Variants in WDR24 observed in about 807,000 individuals in gnomAD.
WDR24 encodes WD repeat domain 24.
WDR24 carries 32 observed loss-of-function variants against 66.7 expected under a neutral mutation model. That is an observed-to-expected ratio of 0.48 (90% CI 0.36 to 0.64). The LOEUF is 0.64. WDR24 is among the 30% of genes least tolerant of loss of function. The pLI, the probability that WDR24 is intolerant of heterozygous loss-of-function variation, is 0.00. For missense variants in WDR24, 978 were observed against 1,144.1 expected (o/e 0.85, Z 2.09); for synonymous variants, 565 against 469.1 (o/e 1.20, Z -2.64).
Position 685,789 on chromosome 16 carries a change from C to T in WDR24, c.1574-6G>A, listed in dbSNP as rs201825840. On this transcript the variant is annotated splice_polypyrimidine_tract_variant and splice_region_variant and intron_variant, in intron 5 of 8. Coordinates refer to ENST00000293883, the MANE Select transcript of WDR24 (RefSeq NM_032259.4). The stretch of plus-strand genomic sequence containing the variant: ...GCCCTCGGTTTCCTCGTTATCTGCC[C>T]GACAATGGGGCGGGCATTCAGGGTC... 2.5e-6 allele frequency: 4 copies of T among 1,613,104 alleles called. No individual in the cohort carries two copies. The highest frequency in any genetic ancestry group is 2.2e-5 in the South Asian group (2 of 91,092).
chr16:689,218 C>T lies in WDR24; in HGVS notation c.423G>A (p.Gln141=). 6.2e-7 allele frequency: 1 copy of T among 1,613,926 alleles called. No homozygotes were observed. Among genetic ancestry groups the T allele is most frequent in the Non-Finnish European group, 8.5e-7 (1 of 1,180,020 alleles). ...TEAHVLLSGS[Q]DGFMKCFDLR... is the part of the protein sequence containing the mutation. ...GGTCAAAGCACTTCATGAAGCCATC[C>T]TGGGAGCCACTGAGCAGCACGTGGG... is the stretch of plus-strand genomic sequence containing the variant. Residue 141 remains glutamine (Q), a synonymous_variant, in exon 1 of 9, where the codon CAG becomes CAA. Coordinates refer to ENST00000293883, the MANE Select transcript of WDR24 (RefSeq NM_032259.4).
chr16:689,733 C>T lies in WDR24; in HGVS notation c.-93G>A. 2.0e-6 allele frequency: 3 copies of T among 1,518,940 alleles called. No individual in the cohort carries two copies. Among genetic ancestry groups the T allele is most frequent in the African/African-American group, 2.7e-5 (2 of 73,464 alleles). The allele number at this position is 1,518,940 out of a possible 1,614,324, so 94.1% of individuals were successfully genotyped here. A position where few individuals can be genotyped will look rare whatever the true frequency, so the allele number is the denominator to read the frequency against. ...GGGTCATCAGTTCAGACCTTCCACC[C>T]AGGTTGGGACCCCAGAACTGCTTGG... On this transcript the variant is annotated 5_prime_UTR_variant, in exon 1 of 9. Coordinates refer to ENST00000293883, the MANE Select transcript of WDR24 (RefSeq NM_032259.4).
intron 1 of WDR24, among the ~76,000 whole-genome samples, chr16:688,698 C>T (rs1293375295): frequency 6.6e-6 from 1 of 152,246 alleles, no homozygotes; most frequent in East Asian, 1.9e-4. Flanking sequence ...TGGCTCAGGG[C>T]AGCCATCGGG....
chr16:685,532 G>A lies in WDR24; in HGVS notation c.1744C>T (p.Pro582Ser), dbSNP rs761607525. Reference sequence around the variant, plus strand: ...TCCTGCAGGTGCTCGGGCCCGGGAGGCGTGTCCACGATCTCGTGGCGCAGC... The same window carrying A: ...TCCTGCAGGTGCTCGGGCCCGGGAGACGTGTCCACGATCTCGTGGCGCAGC... ...FPLRHEIVDTPPGPEHLQDKA... is the reference protein window; with the variant it reads ...FPLRHEIVDTSPGPEHLQDKA... The change falls in exon 7 of 9, where the codon CCT becomes TCT. Residue 582 changes from proline to serine, a missense_variant. By Grantham distance (74) the Pro-to-Ser change is moderately conservative. Coordinates refer to ENST00000293883, the MANE Select transcript of WDR24 (RefSeq NM_032259.4). 13 of 1,588,074 alleles carry A rather than the reference G, an allele frequency of 8.2e-6. No individual in the cohort carries two copies. The highest frequency in any genetic ancestry group is 1.7e-4 in the Middle Eastern group (1 of 6,006).
chr16:686,106 C>T lies in WDR24; in HGVS notation c.1413G>A (p.Val471=). ...GGAGGCCACAGGAGCCACCCTTGCC[C>T]ACACTGTGGTTGAGGTTTGCAGTGG... The part of the protein sequence containing the change: ...LVPTANLNHS[V]GKGGSCGLPL... Residue 471 remains valine (V), a synonymous_variant, in exon 4 of 9, where the codon GTG becomes GTA. Transcript: ENST00000293883. 6 of 1,613,136 alleles carry T rather than the reference C, an allele frequency of 3.7e-6. No homozygotes were observed. The highest frequency in any genetic ancestry group is 5.1e-6 in the Non-Finnish European group (6 of 1,179,988).
chr16:687,045 C>G lies in WDR24; in HGVS notation c.1031G>C (p.Cys344Ser). 1 of 1,604,014 alleles carries G rather than the reference C, an allele frequency of 6.2e-7. No individual in the cohort carries two copies. The highest frequency in any genetic ancestry group is 8.5e-7 in the Non-Finnish European group (1 of 1,178,974). The stretch of plus-strand genomic sequence containing the variant: ...GGCCAGGTCCCCGAAGAGGCCGTAG[C>G]AGAGGCCCTCAGGGTTGGCGCGCTC... ...PVERANPEGL[C>S]YGLFGDLAFA... Residue 344 changes from cysteine to serine, a missense_variant, in exon 3 of 9, where the codon TGC (cysteine) becomes TCC (serine). By Grantham distance (112) the Cys-to-Ser change is moderately radical. Coordinates refer to ENST00000293883, the MANE Select transcript of WDR24 (RefSeq NM_032259.4).
Position 685,781 on chromosome 16 carries a change from T to C in WDR24, c.1576A>G (p.Asn526Asp). Residue 526 changes from asparagine (N) to aspartate (D), a missense_variant and splice_region_variant, in exon 6 of 9, where the codon AAC becomes GAC. Physicochemically the swap from Asn to Asp is conservative, Grantham distance 23. Around this residue, in one of 2 missense-constraint regions of WDR24, gnomAD observed 676 missense variants for 617.5 expected, o/e 1.09. Coordinates refer to ENST00000293883, the MANE Select transcript of WDR24 (RefSeq NM_032259.4). ...SSATLITNED[N>D]EETEGSDVPA... ...ACGTCGCTGCCCTCGGTTTCCTCGT[T>C]ATCTGCCCGACAATGGGGCGGGCAT... The C allele has an allele frequency of 1.2e-6, 2 of 1,613,222 alleles. No homozygotes were observed. The highest frequency in any genetic ancestry group is 1.7e-6 in the Non-Finnish European group (2 of 1,180,000).
intron 1 of WDR24, 127 bp from the exon 2 acceptor site, chr16:687,866 G>T (rs754321773): frequency 4.4e-5 from 56 of 1,278,116 alleles, no homozygotes; most frequent in Middle Eastern, 3.6e-4. Context: ...GGGTAGAGTG[G>T]ACATCCCCAA....
rs773090745 is a variant in WDR24, at chr16:685,838, C to G, written c.1573+31G>C. ...TCGTCTGGGACACCCCCACCCCTCT[C>G]CCATCAGCACCCCTACCCACCCCAG... is the stretch of plus-strand genomic sequence containing the variant. On this transcript the variant is annotated intron_variant, in intron 5 of 8. Transcript: ENST00000293883. 1.9e-6 allele frequency: 3 copies of G among 1,613,052 alleles called. No homozygotes were observed. In the Admixed American group the frequency reaches 5.0e-5, roughly 27 times the overall value.
At position 685,513 on chromosome 16, in the gene WDR24, A is replaced by G. The variant is rs994550391; in HGVS notation, c.1763T>C (p.Leu588Pro). The change falls in exon 7 of 9, where the codon CTG becomes CCG. Residue 588 changes from leucine to proline, a missense_variant. Transcript: ENST00000293883. ...IVDTPPGPEH[L>P]QDKADSPHVS... ...GTGCGGGGAGTCGGCCTTGTCCTGC[A>G]GGTGCTCGGGCCCGGGAGGCGTGTC... is the stretch of plus-strand genomic sequence containing the variant. The G allele has an allele frequency of 3.8e-6, 6 of 1,592,546 alleles. No individual in the cohort carries two copies. In the African/African-American group the frequency reaches 8.0e-5, roughly 21 times the overall value.
chr16:687,520 A>T (rs766121733), intron 2 of WDR24, 42 bp downstream of exon 2: 1 of 1,602,240 alleles, frequency 6.2e-7, no homozygotes, highest in African/African-American at 1.3e-5. Context: ...AGGCAGTGAG[A>T]GCTTACTGTC....
chr16:690,262 G>C lies in WDR24; in HGVS notation c.-622C>G, dbSNP rs1327322815. 4.7e-6 allele frequency: 2 copies of C among 427,174 alleles called. No individual in the cohort carries two copies. The highest frequency in any genetic ancestry group is 4.7e-6 in the Non-Finnish European group (1 of 212,384). The allele number at this position is 427,174 out of a possible 1,614,324, so 26.5% of individuals were successfully genotyped here. A position where few individuals can be genotyped will look rare whatever the true frequency, so the allele number is the denominator to read the frequency against. On this transcript the variant is annotated 5_prime_UTR_variant, in exon 1 of 9. Transcript: ENST00000293883. ...GGCGACCCCGGAGTACAGGGTTCCTGGGAGCGGCGCAGTGGCGCGGGGGAG... is the reference window on the plus strand; with the variant it reads ...GGCGACCCCGGAGTACAGGGTTCCTCGGAGCGGCGCAGTGGCGCGGGGGAG...
Position 687,133 on chromosome 16 carries a change from G to T in WDR24, c.943C>A (p.Leu315Met), listed in dbSNP as rs1411465848. The T allele has an allele frequency of 6.2e-7, 1 of 1,612,020 alleles. No individual in the cohort carries two copies. The highest frequency in any genetic ancestry group is 8.5e-7 in the Non-Finnish European group (1 of 1,179,894). ...AGCGAGCTGTCCTTGGAGCCAGACAGCAGGAAGGAGGGGTCGTGGGGGTGG... is the reference window on the plus strand; with the variant it reads ...AGCGAGCTGTCCTTGGAGCCAGACATCAGGAAGGAGGGGTCGTGGGGGTGG... ...WRHPHDPSFL[L>M]SGSKDSSLCQ... The change falls in exon 3 of 9, where the codon CTG (leucine) becomes ATG (methionine). Residue 315 changes from leucine (L) to methionine (M), a missense_variant. Leu to Met is a conservative substitution (Grantham distance 15). This residue lies in a region of WDR24 where 302 missense variants were observed against 526.6 expected (regional missense o/e 0.57). Coordinates refer to ENST00000293883, the MANE Select transcript of WDR24 (RefSeq NM_032259.4).
In WDR24 at chr16:690,342, G is replaced by A. The variant is rs955586357; in HGVS notation, c.-702C>T. 2.2e-6 allele frequency: 1 copy of A among 456,410 alleles called. No homozygotes were observed. Among genetic ancestry groups the A allele is most frequent in the African/African-American group, 2.0e-5 (1 of 50,082 alleles). The allele number at this position is 456,410 out of a possible 1,614,324, so 28.3% of individuals were successfully genotyped here. ...CCGGGGCAGCCCTTCTCCCCCGCGC[G>A]AACCCCAATCTTTTACTAAAAGCGC... On this transcript the variant is annotated 5_prime_UTR_variant, in exon 1 of 9. Transcript: ENST00000293883.
In WDR24 at chr16:690,143, G is replaced by C; in HGVS notation, c.-503C>G. The C allele has an allele frequency of 2.3e-6, 1 of 433,988 alleles. No individual in the cohort carries two copies. The highest frequency in any genetic ancestry group is 1.6e-5 in the South Asian group (1 of 61,786). 26.9% of individuals were successfully genotyped at this position (433,988 alleles called of 1,614,324 possible). ...GGGCTAGAGGGGCCCGGGGACTCAGGCGATAGACGCGGGAAGGGCCCAGAG... is the reference window on the plus strand; with the variant it reads ...GGGCTAGAGGGGCCCGGGGACTCAGCCGATAGACGCGGGAAGGGCCCAGAG... On this transcript the variant is annotated 5_prime_UTR_variant, in exon 1 of 9. Transcript: ENST00000293883.
Position 689,891 on chromosome 16 carries a change from A to C in WDR24, c.-251T>G. On this transcript the variant is annotated 5_prime_UTR_variant, in exon 1 of 9. Coordinates refer to ENST00000293883, the MANE Select transcript of WDR24 (RefSeq NM_032259.4). ...TGGCTGAGCGGTGAGGGGACTTCCTAGCTTCCCTTAGGCCTGTCAGTTTCA... is the reference window on the plus strand; with the variant it reads ...TGGCTGAGCGGTGAGGGGACTTCCTCGCTTCCCTTAGGCCTGTCAGTTTCA... The C allele has an allele frequency of 1.4e-6, 1 of 697,470 alleles. No individual in the cohort carries two copies. 43.2% of individuals were successfully genotyped at this position (697,470 alleles called of 1,614,324 possible).
chr16:685,974 T>C lies in WDR24; in HGVS notation c.1468A>G (p.Met490Val). 1 of 1,613,104 alleles carries C rather than the reference T, an allele frequency of 6.2e-7. No homozygotes were observed. Among genetic ancestry groups the C allele is most frequent in the East Asian group, 2.2e-5 (1 of 44,868 alleles). The part of the protein sequence containing the change: ...PLMNSFNLKD[M>V]APGLGSETRL... ...GTCTCACTGCCCAACCCTGGGGCCATATCCTTCAGGTTGAAACTGGGGGCA... is the reference window on the plus strand; with the variant it reads ...GTCTCACTGCCCAACCCTGGGGCCACATCCTTCAGGTTGAAACTGGGGGCA... Residue 490 changes from methionine (M) to valine (V), a missense_variant, in exon 5 of 9, where the codon ATG becomes GTG. Met to Val is a conservative substitution (Grantham distance 21). Coordinates refer to ENST00000293883, the MANE Select transcript of WDR24 (RefSeq NM_032259.4).
In WDR24 at chr16:684,652, G is replaced by A; in HGVS notation, c.*82C>T. 2 of 1,468,942 alleles carry A rather than the reference G, an allele frequency of 1.4e-6. No homozygotes were observed. Among genetic ancestry groups the A allele is most frequent in the South Asian group, 1.4e-5 (1 of 73,506 alleles). The allele number at this position is 1,468,942 out of a possible 1,614,324, so 91.0% of individuals were successfully genotyped here. ...TCTACTTCCTTTATTGAGGTCTCAA[G>A]TTCCAGCCTCCGCCCGTCTCGGGCA... On this transcript the variant is annotated 3_prime_UTR_variant, in exon 9 of 9. Transcript: ENST00000293883.
At chr16:688,429 A>G (rs1413977609) in intron 1 of WDR24, among the ~76,000 whole-genome samples, 2 of 152,240 alleles carry the variant, frequency 1.3e-5, no homozygotes, top group Admixed American at 1.3e-4. Context: ...CTAGGATTAC[A>G]GGCGCGTGCC....
Sources: gnomAD v4.1 joint callset for allele counts (sites outside exome capture counted in the v4.1 genomes callset) on GRCh38, gnomAD v4.1.1 for gene constraint, gnomAD v4.1.1 regional missense constraint, MANE v1.5 for transcripts, NCBI Gene and HGNC (gene_info 2026-07-23, HGNC 2026-07-21) for gene names.